The following FARP1 variants were observed in gnomAD, a reference collection of about 807,000 sequenced individuals.
FARP1 encodes the protein FERM, ARHGEF and pleckstrin domain-containing protein 1.
In FARP1, 52 loss-of-function variants were observed where a neutral mutation model predicts 128.8. That is an observed-to-expected ratio of 0.40 (90% CI 0.32 to 0.51). The LOEUF is 0.51. FARP1 is among the 20% of genes least tolerant of loss of function. The probability of loss-of-function intolerance (pLI) is 0.45; values close to 1 mark genes in which losing one functional copy is unlikely to be tolerated. For missense variants in FARP1, 1,333 were observed against 1,367.9 expected (o/e 0.97, Z 0.40); for synonymous variants, 580 against 551.8 (o/e 1.05, Z -0.72).
chr13:98,439,093 T>TC lies in FARP1; in HGVS notation c.2344-13dup. ...AAACGTGGTCTCACCTCCACACACT[T>TC]CTGATTCCTCCAGTTCAACGACGTC... On this transcript the variant is annotated splice_polypyrimidine_tract_variant and intron_variant, in intron 20 of 26. Coordinates refer to ENST00000319562, the MANE Select transcript of FARP1 (RefSeq NM_005766.4). The TC allele has an allele frequency of 6.2e-7, 1 of 1,609,726 alleles. No individual in the cohort carries two copies. The highest frequency in any genetic ancestry group is 8.5e-7 in the Non-Finnish European group (1 of 1,176,810).
intron 3 of FARP1, among the ~76,000 whole-genome samples, chr13:98,360,197 G>A (rs1201819392): frequency 6.8e-6 from 1 of 147,600 alleles, no homozygotes; most frequent in African/African-American, 2.5e-5. Flanking sequence ...CTGGGTTCAA[G>A]CAATTCTCCT....
At chr13:98,211,291 T>C (rs1880688848) in intron 1 of FARP1, among the ~76,000 whole-genome samples, 1 of 152,210 alleles carries the variant, frequency 6.6e-6, no homozygotes, top group Non-Finnish European at 1.5e-5. Context: ...CTCCGCCTCC[T>C]GTCAGATCAG....
In FARP1 at chr13:98,243,417, C is replaced by T. The variant is rs373721562; in HGVS notation, c.171+30004C>T. Among the ~76,000 whole-genome samples, 122 of 151,922 alleles carry T rather than the reference C, an allele frequency of 8.0e-4. 1 individual carries two copies. The highest frequency in any genetic ancestry group is 1.5e-3 in the Non-Finnish European group (100 of 68,002). ...GTTGATTAAGAAGAATCTGTATGGC[C>T]GGGCACGGTGGCTCACGCCTGTAAT... On this transcript the variant is annotated intron_variant, in intron 2 of 26. Transcript: ENST00000319562.
intron 3 of FARP1, among the ~76,000 whole-genome samples, chr13:98,348,841 T>C (rs967036189): frequency 3.9e-5 from 6 of 152,246 alleles, no homozygotes; most frequent in Non-Finnish European, 7.3e-5. Flanking sequence ...CCATGTGCCG[T>C]AGTTTGCCAA....
At chr13:98,244,621 A>G (rs1369051829) in intron 2 of FARP1, 4 of 1,614,222 alleles carry the variant, frequency 2.5e-6, no homozygotes, top group Admixed American at 3.3e-5. Context: ...ATTCTCACTC[A>G]TCTTACAGGC....
At chr13:98,319,978 T>C (rs1393159712) in intron 2 of FARP1, among the ~76,000 whole-genome samples, 2 of 152,108 alleles carry the variant, frequency 1.3e-5, no homozygotes, top group African/African-American at 4.8e-5. Flanking sequence ...AAAAAGGAAA[T>C]TGATCCTCAC....
chr13:98,219,679 T>A (rs1280880820), intron 2 of FARP1, among the ~76,000 whole-genome samples: 1 of 152,062 alleles, frequency 6.6e-6, no homozygotes, highest in African/African-American at 2.4e-5. Flanking sequence ...TTTATTTTCA[T>A]TTTTTGAGAC....
rs765327164 is a variant in FARP1, at chr13:98,448,551, G to A, written c.*234G>A. 64 of 538,322 alleles carry A rather than the reference G, an allele frequency of 1.2e-4. No homozygotes were observed. Among genetic ancestry groups the A allele is most frequent in the Non-Finnish European group, 1.9e-4 (57 of 301,608 alleles). 33.3% of individuals were successfully genotyped at this position (538,322 alleles called of 1,614,324 possible). A position where few individuals can be genotyped will look rare whatever the true frequency, so the allele number is the denominator to read the frequency against. The stretch of plus-strand genomic sequence containing the variant: ...CTGGGGGCGCTGTTCTTTAGCTAGT[G>A]CCAGTATTAAAACATTGTCATTACG... On this transcript the variant is annotated 3_prime_UTR_variant, in exon 27 of 27. Coordinates refer to ENST00000319562, the MANE Select transcript of FARP1 (RefSeq NM_005766.4).
intron 19 of FARP1, 177 bp downstream of exon 19, chr13:98,435,883 G>A (rs1430311133): frequency 1.8e-5 from 13 of 729,990 alleles, no homozygotes; most frequent in South Asian, 2.9e-5. Flanking sequence ...CATTGTGTTC[G>A]GAGGAGATAA....
At chr13:98,446,358 G>A in intron 25 of FARP1, 153 bp downstream of exon 25, 1 of 614,674 alleles carries the variant, frequency 1.6e-6, no homozygotes, top group East Asian at 2.7e-5. Context: ...GTCCACCCGA[G>A]GCCCTCAACT....
chr13:98,246,886 A>C (rs1307085958), intron 2 of FARP1, among the ~76,000 whole-genome samples: 1 of 152,130 alleles, frequency 6.6e-6, no homozygotes, highest in Admixed American at 6.5e-5. Flanking sequence ...CCTGCATACA[A>C]CCGTCTACAC....
At chr13:98,218,542 A>AAG (rs1467790333) in intron 2 of FARP1, among the ~76,000 whole-genome samples, 13 of 152,342 alleles carry the variant, frequency 8.5e-5, no homozygotes, top group African/African-American at 3.1e-4. Context: ...TCTTTGAGGA[A>AAG]AGAGGTTTTT....
intron 2 of FARP1, among the ~76,000 whole-genome samples, chr13:98,259,415 C>A (rs544583196): frequency 6.7e-6 from 1 of 149,158 alleles, no homozygotes; most frequent in South Asian, 2.1e-4. Flanking sequence ...TTAGAAATGT[C>A]CTTAGGTGGC....
chr13:98,332,156 G>C (rs1476445131), intron 2 of FARP1, among the ~76,000 whole-genome samples: 1 of 151,934 alleles, frequency 6.6e-6, no homozygotes, highest in Non-Finnish European at 1.5e-5. Flanking sequence ...TTGTTGCTCA[G>C]CCATCCCCAT....
intron 1 of FARP1, among the ~76,000 whole-genome samples, chr13:98,144,591 G>A (rs1313225115): frequency 6.6e-6 from 1 of 152,128 alleles, no homozygotes; most frequent in Non-Finnish European, 1.5e-5. Context: ...CTTCCAGTAG[G>A]CAACATCTTC....
At chr13:98,238,639 T>C (rs1381014807) in intron 2 of FARP1, among the ~76,000 whole-genome samples, 1 of 151,978 alleles carries the variant, frequency 6.6e-6, no homozygotes, top group Non-Finnish European at 1.5e-5. Context: ...AACTATCTGA[T>C]CTCCTGAGAC....
chr13:98,160,386 A>G (rs1228872008), intron 1 of FARP1, among the ~76,000 whole-genome samples: 1 of 152,158 alleles, frequency 6.6e-6, no homozygotes, highest in African/African-American at 2.4e-5. Flanking sequence ...TAGACCAGCC[A>G]TCCTACACAG....
intron 6 of FARP1, among the ~76,000 whole-genome samples, chr13:98,380,506 T>C (rs1287735406): frequency 6.6e-6 from 1 of 152,112 alleles, no homozygotes. Flanking sequence ...GTAATACATA[T>C]GTTAATTAGC....
intron 2 of FARP1, among the ~76,000 whole-genome samples, chr13:98,336,472 G>A (rs138908954): frequency 3.3e-5 from 5 of 152,186 alleles, no homozygotes; most frequent in African/African-American, 4.8e-5. Flanking sequence ...GGGTTTTGCC[G>A]TGTTGGCCAG....
Sources: allele counts gnomAD v4.1 joint callset (sites outside exome capture counted in the v4.1 genomes callset), GRCh38; gene constraint gnomAD v4.1.1; transcripts MANE v1.5; gene names NCBI Gene and HGNC (gene_info 2026-07-23, HGNC 2026-07-21).